Variants in CCDC85A observed in about 807,000 individuals in gnomAD.
The protein encoded by CCDC85A is coiled-coil domain-containing protein 85A.
CCDC85A carries 38 observed loss-of-function variants against 50.2 expected under a neutral mutation model. That is an observed-to-expected ratio of 0.76 (90% CI 0.58 to 0.99). CCDC85A has a LOEUF of 0.99. Among genes scored for constraint, CCDC85A ranks in the 50% least tolerant of loss-of-function variants. The probability of loss-of-function intolerance (pLI) is 0.00; values close to 1 mark genes in which losing one functional copy is unlikely to be tolerated. For missense variants in CCDC85A, 820 were observed against 742.0 expected, an observed-to-expected ratio of 1.11 and a Z score of -1.22; for synonymous variants, 366 against 301.4, an observed-to-expected ratio of 1.21 and a Z score of -2.22.
At chr2:56,312,737 G>A (rs1257103053) in intron 2 of CCDC85A, among the ~76,000 whole-genome samples, 3 of 152,226 alleles carry the variant, frequency 2.0e-5, no homozygotes, top group East Asian at 3.9e-4. Flanking sequence ...TTGGCAAAAA[G>A]GAAATACTTT....
intron 2 of CCDC85A, among the ~76,000 whole-genome samples, chr2:56,227,453 C>A (rs1463329867): frequency 6.6e-6 from 1 of 152,014 alleles, no homozygotes; most frequent in African/African-American, 2.4e-5. Flanking sequence ...AGAAATGGAC[C>A]ATGGCAGCAA....
chr2:56,342,106 G>A (rs940917927), intron 2 of CCDC85A, among the ~76,000 whole-genome samples: 3 of 151,654 alleles, frequency 2.0e-5, no homozygotes, highest in Admixed American at 1.3e-4. Context: ...CAGAAGAAAA[G>A]AGTATAATTG....
At chr2:56,280,443 G>A (rs1671155105) in intron 2 of CCDC85A, among the ~76,000 whole-genome samples, 1 of 152,154 alleles carries the variant, frequency 6.6e-6, no homozygotes, top group East Asian at 1.9e-4. Context: ...AAAGACCCAA[G>A]TATTAAGTTA....
chr2:56,330,897 A>T (rs963689441), intron 2 of CCDC85A, among the ~76,000 whole-genome samples: 1 of 152,200 alleles, frequency 6.6e-6, no homozygotes, highest in Non-Finnish European at 1.5e-5. Flanking sequence ...AAAAGTGATC[A>T]TCATATCAAA....
At chr2:56,205,409 G>A (rs942179683) in intron 2 of CCDC85A, among the ~76,000 whole-genome samples, 2 of 144,956 alleles carry the variant, frequency 1.4e-5, no homozygotes, top group African/African-American at 5.2e-5. Flanking sequence ...TCAGAGAAAT[G>A]GAGAAGGTAG....
At chr2:56,320,028 C>G (rs1054794100) in intron 2 of CCDC85A, among the ~76,000 whole-genome samples, 7 of 152,158 alleles carry the variant, frequency 4.6e-5, no homozygotes, top group Admixed American at 1.3e-4. Context: ...CAACCTGCTC[C>G]TGAATGACTA....
chr2:56,188,543 A>T (rs561549525), intron 1 of CCDC85A, among the ~76,000 whole-genome samples: 1 of 152,244 alleles, frequency 6.6e-6, no homozygotes, highest in Non-Finnish European at 1.5e-5. Flanking sequence ...ATTTGTTTAG[A>T]TGAAAGAGAA....
At chr2:56,280,946 T>G (rs1671180343) in intron 2 of CCDC85A, among the ~76,000 whole-genome samples, 1 of 152,204 alleles carries the variant, frequency 6.6e-6, no homozygotes, top group Non-Finnish European at 1.5e-5. Flanking sequence ...TTACTTTTTT[T>G]AGGTGAAATT....
intron 2 of CCDC85A, among the ~76,000 whole-genome samples, chr2:56,222,578 C>T (rs1668373023): frequency 6.6e-6 from 1 of 152,152 alleles, no homozygotes; most frequent in South Asian, 2.1e-4. Flanking sequence ...ACAGGCCCTC[C>T]AGCTATTAGG....
intron 2 of CCDC85A, among the ~76,000 whole-genome samples, chr2:56,265,186 G>A (rs1670383268): frequency 1.3e-5 from 2 of 152,166 alleles, no homozygotes; most frequent in African/African-American, 4.8e-5. Context: ...GGCATTGAAA[G>A]GGGAAGGACA....
chr2:56,375,080 A>G (rs937261539), intron 4 of CCDC85A, among the ~76,000 whole-genome samples: 1 of 152,056 alleles, frequency 6.6e-6, no homozygotes, highest in Non-Finnish European at 1.5e-5. Context: ...CTTTTTCTTT[A>G]CTGATCCATT....
At chr2:56,225,972 T>C (rs1401892476) in intron 2 of CCDC85A, among the ~76,000 whole-genome samples, 1 of 152,202 alleles carries the variant, frequency 6.6e-6, no homozygotes, top group Non-Finnish European at 1.5e-5. Flanking sequence ...TTTCCAGATA[T>C]TTCATTTTCC....
chr2:56,220,065 G>C (rs1668254411), intron 2 of CCDC85A, among the ~76,000 whole-genome samples: 1 of 151,954 alleles, frequency 6.6e-6, no homozygotes, highest in Non-Finnish European at 1.5e-5. Flanking sequence ...TGATTTGCCA[G>C]GTAGAGAAGA....
intron 2 of CCDC85A, among the ~76,000 whole-genome samples, chr2:56,299,102 A>T (rs1020807253): frequency 1.1e-4 from 16 of 152,248 alleles, no homozygotes; most frequent in African/African-American, 3.9e-4. Flanking sequence ...CTCATGCATT[A>T]TTTATTTCTG....
At chr2:56,340,630 C>T (rs1244617076) in intron 2 of CCDC85A, among the ~76,000 whole-genome samples, 3 of 152,032 alleles carry the variant, frequency 2.0e-5, no homozygotes, top group Admixed American at 6.6e-5. Context: ...AATCCCAGCA[C>T]TTTGGGAGGC....
chr2:56,338,748 T>C (rs1392312759), intron 2 of CCDC85A, among the ~76,000 whole-genome samples: 1 of 152,184 alleles, frequency 6.6e-6, no homozygotes, highest in African/African-American at 2.4e-5. Flanking sequence ...TCTTCTTTTT[T>C]TCTCATGTCA....
At chr2:56,300,667 A>T (rs1573208435) in intron 2 of CCDC85A, among the ~76,000 whole-genome samples, 1 of 152,232 alleles carries the variant, frequency 6.6e-6, no homozygotes, top group Admixed American at 6.6e-5. Flanking sequence ...CAGTGAATTT[A>T]TACCCTTCCT....
intron 2 of CCDC85A, among the ~76,000 whole-genome samples, chr2:56,242,289 G>T (rs1048320105): frequency 6.6e-6 from 1 of 152,056 alleles, no homozygotes; most frequent in African/African-American, 2.4e-5. Flanking sequence ...CCTGAGACTG[G>T]GTAATTTATA....
At chr2:56,322,804 A>G (rs1392262852) in intron 2 of CCDC85A, among the ~76,000 whole-genome samples, 3 of 152,184 alleles carry the variant, frequency 2.0e-5, no homozygotes, top group Non-Finnish European at 4.4e-5. Flanking sequence ...GCATATACCC[A>G]AAGGATTATA....
Sources: allele counts gnomAD v4.1 joint callset (sites outside exome capture counted in the v4.1 genomes callset), GRCh38; gene constraint gnomAD v4.1.1; transcripts MANE v1.5; gene names NCBI Gene and HGNC (gene_info 2026-07-23, HGNC 2026-07-21).